The following VWA3B variants were observed in gnomAD, a reference collection of about 807,000 sequenced individuals.
VWA3B encodes the protein von Willebrand factor A domain-containing protein 3B.
VWA3B carries 138 observed loss-of-function variants against 158.3 expected under a neutral mutation model. The ratio of observed to expected loss-of-function variants is 0.87; its 90% CI spans 0.76 to 1.00. The LOEUF is 1.00. Ranked by LOEUF, VWA3B falls within the 50% of genes least tolerant of loss-of-function variation. The pLI, the probability that VWA3B is intolerant of heterozygous loss-of-function variation, is 0.00. For synonymous variants in VWA3B, 596 were observed against 587.3 expected (o/e 1.01, Z -0.21); for missense variants, 1,555 against 1,565.1 (o/e 0.99, Z 0.11).
chr2:98,146,748 A>C (rs544079732), intron 7 of VWA3B, among the ~76,000 whole-genome samples: 1 of 152,262 alleles, frequency 6.6e-6, no homozygotes, highest in South Asian at 2.1e-4. Flanking sequence ...AGAGGAAAAA[A>C]GGTGTTTGTG....
chr2:98,215,207 C>T (rs898897566), intron 13 of VWA3B, among the ~76,000 whole-genome samples: 7 of 151,856 alleles, frequency 4.6e-5, no homozygotes, highest in Non-Finnish European at 5.9e-5. Context: ...TTTGGAAGGC[C>T]GAGGTGAGTT....
intron 23 of VWA3B, 72 bp downstream of exon 23, chr2:98,290,694 C>A: frequency 1.8e-6 from 2 of 1,095,832 alleles, no homozygotes; most frequent in Non-Finnish European, 2.7e-6. Context: ...AAGTTTCAAC[C>A]TGTGCTTTTG....
intron 19 of VWA3B, among the ~76,000 whole-genome samples, chr2:98,246,429 G>A (rs1041476563): frequency 6.6e-6 from 1 of 151,992 alleles, no homozygotes; most frequent in Non-Finnish European, 1.5e-5. Flanking sequence ...CCAGGCTGGA[G>A]TGCAGTGGTG....
chr2:98,298,838 G>C (rs1440172677), intron 24 of VWA3B, among the ~76,000 whole-genome samples: 1 of 152,256 alleles, frequency 6.6e-6, no homozygotes, highest in African/African-American at 2.4e-5. Context: ...TACCCCTTTT[G>C]AGGTTCCTAT....
At chr2:98,099,686 C>T (rs1004889986) in intron 2 of VWA3B, among the ~76,000 whole-genome samples, 2 of 152,100 alleles carry the variant, frequency 1.3e-5, no homozygotes, top group African/African-American at 4.8e-5. Flanking sequence ...TTATCATTCT[C>T]TACTCCCTTT....
intron 12 of VWA3B, among the ~76,000 whole-genome samples, chr2:98,209,104 T>C (rs1288496978): frequency 6.6e-6 from 1 of 152,172 alleles, no homozygotes; most frequent in African/African-American, 2.4e-5. Context: ...TGGTGCTCTT[T>C]TATAGGTAAC....
At chr2:98,151,712 C>G (rs1171796155) in intron 7 of VWA3B, among the ~76,000 whole-genome samples, 2 of 152,220 alleles carry the variant, frequency 1.3e-5, no homozygotes, top group Non-Finnish European at 2.9e-5. Flanking sequence ...TGACCTTGGG[C>G]AAGTTACCTA....
intron 16 of VWA3B, among the ~76,000 whole-genome samples, chr2:98,231,220 G>T (rs1685315131): frequency 6.6e-6 from 1 of 152,082 alleles, no homozygotes. Context: ...TTATCTATAG[G>T]TTTAATGAAA....
chr2:98,261,674 A>T (rs1264941050), intron 21 of VWA3B, among the ~76,000 whole-genome samples: 1 of 151,702 alleles, frequency 6.6e-6, no homozygotes, highest in Non-Finnish European at 1.5e-5. Flanking sequence ...GTTACTAGAT[A>T]GAGAATTCTT....
chr2:98,159,254 G>C (rs994353223), intron 7 of VWA3B, among the ~76,000 whole-genome samples: 1 of 151,966 alleles, frequency 6.6e-6, no homozygotes, highest in African/African-American at 2.4e-5. Flanking sequence ...GTTTTGTTTT[G>C]GTTTGGTTTT....
intron 22 of VWA3B, among the ~76,000 whole-genome samples, chr2:98,272,594 C>A (rs78232720): frequency 0.039 from 5,907 of 152,264 alleles, 167 homozygotes; most frequent in Middle Eastern, 0.075. Context: ...AGTCTTAACT[C>A]TCTAATCCTG....
chr2:98,094,868 G>A (rs1201886611), intron 2 of VWA3B, among the ~76,000 whole-genome samples: 11 of 152,072 alleles, frequency 7.2e-5, no homozygotes, highest in Admixed American at 7.2e-4. Flanking sequence ...ACCTTTTATT[G>A]AAGAGACTGT....
At chr2:98,114,526 G>C (rs1202037192) in intron 2 of VWA3B, among the ~76,000 whole-genome samples, 1 of 152,160 alleles carries the variant, frequency 6.6e-6, no homozygotes, top group Non-Finnish European at 1.5e-5. Context: ...ATTCAGCCTT[G>C]CTCTTTTTAG....
chr2:98,089,186 G>C (rs1682092196), intron 1 of VWA3B, among the ~76,000 whole-genome samples: 2 of 152,166 alleles, frequency 1.3e-5, no homozygotes, highest in Admixed American at 1.3e-4. Flanking sequence ...AGCTCTGAGT[G>C]ATCAGTTTTA....
At chr2:98,168,821 C>A (rs1409324346) in intron 8 of VWA3B, among the ~76,000 whole-genome samples, 1 of 151,974 alleles carries the variant, frequency 6.6e-6, no homozygotes, top group Non-Finnish European at 1.5e-5. Flanking sequence ...TAAAAAAACC[C>A]GAAAGAAGAT....
chr2:98,104,120 G>A (rs565826089), intron 2 of VWA3B, among the ~76,000 whole-genome samples: 2 of 152,320 alleles, frequency 1.3e-5, no homozygotes, highest in South Asian at 4.1e-4. Context: ...CTCATGGACA[G>A]CATATAGTTG....
intron 2 of VWA3B, among the ~76,000 whole-genome samples, chr2:98,105,520 A>G (rs1673574094): frequency 6.6e-6 from 1 of 152,018 alleles, no homozygotes; most frequent in Admixed American, 6.6e-5. Flanking sequence ...ACCCCCTCCT[A>G]TGTTTTTTTC....
chr2:98,157,666 T>C (rs1449770329), intron 7 of VWA3B, among the ~76,000 whole-genome samples: 1 of 152,236 alleles, frequency 6.6e-6, no homozygotes, highest in Non-Finnish European at 1.5e-5. Flanking sequence ...TTCATAGTTA[T>C]ATTCAAGTCT....
chr2:98,092,619 GGC>G, intron 1 of VWA3B, among the ~76,000 whole-genome samples: 1 of 151,714 alleles, frequency 6.6e-6, no homozygotes, highest in Non-Finnish European at 1.5e-5. Context: ...CTCCAGCCTG[GGC>G]AACAGAGCGA....
Sources: gnomAD v4.1 joint callset for allele counts (sites outside exome capture counted in the v4.1 genomes callset) on GRCh38, gnomAD v4.1.1 for gene constraint, MANE v1.5 for transcripts, NCBI Gene and HGNC (gene_info 2026-07-23, HGNC 2026-07-21) for gene names.